The following OPCML variants were observed in gnomAD, a reference collection of about 807,000 sequenced individuals.
The protein encoded by OPCML is opioid-binding protein/cell adhesion molecule.
OPCML carries 13 observed loss-of-function variants against 37.8 expected under a neutral mutation model. That is an observed-to-expected ratio of 0.34 (90% CI 0.22 to 0.55). OPCML has a LOEUF of 0.55. Among genes scored for constraint, OPCML ranks in the 20% least tolerant of loss-of-function variants. The pLI is 0.91. For missense variants in OPCML, 341 were observed against 435.6 expected (o/e 0.78, Z 1.93); for synonymous variants, 176 against 168.8 (o/e 1.04, Z -0.33).
chr11:133,215,857 C>T (rs906473967), intron 1 of OPCML, among the ~76,000 whole-genome samples: 22 of 152,156 alleles, frequency 1.4e-4, no homozygotes, highest in Non-Finnish European at 2.9e-4. Context: ...TTGCACAAGC[C>T]GCTAAATGAA....
chr11:132,700,518 T>C, intron 2 of OPCML, among the ~76,000 whole-genome samples: 1 of 152,192 alleles, frequency 6.6e-6, no homozygotes, highest in East Asian at 1.9e-4. Flanking sequence ...TTAAAAAATA[T>C]CCTTTTGATT....
intron 2 of OPCML, among the ~76,000 whole-genome samples, chr11:132,941,629 G>T (rs566754465): frequency 6.6e-6 from 1 of 152,152 alleles, no homozygotes; most frequent in Admixed American, 6.5e-5. Context: ...TACCCACATG[G>T]CCAGGAGGAC....
Position 132,602,705 on chromosome 11 carries a change from C to A in OPCML, c.379+54382G>T, listed in dbSNP as rs141302747. ...GACCTGGGCATTGCCTGTGGACTCA[C>A]CCCTATCTCTTAAGTAGGATGATTT... On this transcript the variant is annotated intron_variant, in intron 3 of 7. Coordinates refer to ENST00000524381, the MANE Select transcript of OPCML (RefSeq NM_001012393.5). Among the ~76,000 whole-genome samples, 146 of 152,334 alleles carry A rather than the reference C, an allele frequency of 9.6e-4. 3 individuals are homozygous for A. In the South Asian group the frequency reaches 0.029, roughly 31 times the overall value.
intron 1 of OPCML, among the ~76,000 whole-genome samples, chr11:133,036,084 A>G (rs1200148854): frequency 2.0e-5 from 3 of 152,216 alleles, no homozygotes; most frequent in Non-Finnish European, 4.4e-5. Context: ...TTCTTAAAGT[A>G]GTTGAGATTT....
chr11:132,990,588 G>A (rs939578419), intron 1 of OPCML, among the ~76,000 whole-genome samples: 6 of 152,170 alleles, frequency 3.9e-5, no homozygotes, highest in African/African-American at 1.4e-4. Context: ...GAGAATTGCG[G>A]TCACTGGCCC....
At chr11:133,108,530 C>T (rs147617342) in intron 1 of OPCML, among the ~76,000 whole-genome samples, 1 of 152,008 alleles carries the variant, frequency 6.6e-6, no homozygotes, top group Non-Finnish European at 1.5e-5. Flanking sequence ...AGCTTTCCAG[C>T]GGGGTAAATG....
At chr11:133,031,101 A>C (rs953244905) in intron 1 of OPCML, among the ~76,000 whole-genome samples, 13 of 152,334 alleles carry the variant, frequency 8.5e-5, no homozygotes, top group South Asian at 2.1e-4. Flanking sequence ...TTTACTCAGC[A>C]CTTATCACTA....
intron 3 of OPCML, among the ~76,000 whole-genome samples, chr11:132,600,670 G>T (rs191259961): frequency 2.6e-5 from 4 of 152,174 alleles, no homozygotes; most frequent in African/African-American, 9.6e-5. Flanking sequence ...TTCAAAGTGA[G>T]TAATTTATAT....
At chr11:132,866,884 C>A (rs2136379485) in intron 2 of OPCML, among the ~76,000 whole-genome samples, 1 of 152,290 alleles carries the variant, frequency 6.6e-6, no homozygotes, top group East Asian at 1.9e-4. Flanking sequence ...GTCCCTTGAT[C>A]TTCCTTCTGT....
At chr11:133,081,219 G>C (rs1374308177) in intron 1 of OPCML, among the ~76,000 whole-genome samples, 1 of 152,126 alleles carries the variant, frequency 6.6e-6, no homozygotes, top group Admixed American at 6.5e-5. Flanking sequence ...AGGACTTGGT[G>C]CTTCCATCTG....
chr11:132,502,770 C>T (rs2096248329), intron 4 of OPCML, among the ~76,000 whole-genome samples: 1 of 151,992 alleles, frequency 6.6e-6, no homozygotes, highest in Admixed American at 6.6e-5. Context: ...AAATGTAAAC[C>T]CTGGTTCACA....
intron 1 of OPCML, among the ~76,000 whole-genome samples, chr11:133,072,185 T>TAA (rs10630891): frequency 0.55 from 83,165 of 151,766 alleles, 24,670 homozygotes; most frequent in African/African-American, 0.76. Context: ...ATTCTAGAAT[T>TAA]AAATAGGGGC....
chr11:132,648,537 T>TTC (rs1382396878), intron 3 of OPCML, among the ~76,000 whole-genome samples: 1 of 151,352 alleles, frequency 6.6e-6, no homozygotes, highest in Admixed American at 6.6e-5. Context: ...TTTTTTTTTT[T>TTC]CAGACAGAGT....
In OPCML at chr11:132,503,570, A is replaced by T. The variant is rs1041494138; in HGVS notation, c.505+25491T>A. Among the ~76,000 whole-genome samples, 4 of 152,184 alleles carry T rather than the reference A, an allele frequency of 2.6e-5. No individual in the cohort carries two copies. In the South Asian group the frequency reaches 8.3e-4, roughly 31 times the overall value. The stretch of plus-strand genomic sequence containing the variant: ...AAAGTATCAATATTATAACTGAGGA[A>T]CTCTAAAAATTTAAAAAACAATGAG... On this transcript the variant is annotated intron_variant, in intron 4 of 7. Coordinates refer to ENST00000524381, the MANE Select transcript of OPCML (RefSeq NM_001012393.5).
chr11:133,382,644 T>C (rs901570343), intron 1 of OPCML, among the ~76,000 whole-genome samples: 1 of 152,184 alleles, frequency 6.6e-6, no homozygotes, highest in South Asian at 2.1e-4. Context: ...CACACCCAGA[T>C]TCACCCCTCA....
In OPCML at chr11:132,546,870, G is replaced by T. The variant is rs112639455; in HGVS notation, c.380-17684C>A. The stretch of plus-strand genomic sequence containing the variant: ...CATACACTGCACATTGCATATTTCC[G>T]CAGGTGCTCTCTGCTGCCTCACAGA... On this transcript the variant is annotated intron_variant, in intron 3 of 7. Coordinates refer to ENST00000524381, the MANE Select transcript of OPCML (RefSeq NM_001012393.5). Among the ~76,000 whole-genome samples, 1,035 of 152,276 alleles carry T rather than the reference G, an allele frequency of 6.8e-3. 16 individuals carry two copies. The highest frequency in any genetic ancestry group is 0.023 in the African/African-American group (952 of 41,558).
intron 1 of OPCML, among the ~76,000 whole-genome samples, chr11:133,040,990 G>A (rs1947882426): frequency 6.6e-6 from 1 of 152,132 alleles, no homozygotes; most frequent in South Asian, 2.1e-4. Context: ...AGCTTTATGG[G>A]GGCTCGGACT....
At chr11:132,560,857 C>T (rs1298340329) in intron 3 of OPCML, among the ~76,000 whole-genome samples, 1 of 152,122 alleles carries the variant, frequency 6.6e-6, no homozygotes, top group Non-Finnish European at 1.5e-5. Context: ...TTCTCCCACT[C>T]TGTGGGTTGT....
At chr11:133,403,939 A>G (rs1945465770) in intron 1 of OPCML, among the ~76,000 whole-genome samples, 2 of 152,248 alleles carry the variant, frequency 1.3e-5, no homozygotes, top group African/African-American at 4.8e-5. Context: ...GATAAAACTT[A>G]GTCTGCAAAT....
Sources: gnomAD v4.1 joint callset for allele counts (sites outside exome capture counted in the v4.1 genomes callset) on GRCh38, gnomAD v4.1.1 for gene constraint, MANE v1.5 for transcripts, NCBI Gene and HGNC (gene_info 2026-07-23, HGNC 2026-07-21) for gene names.